STK3: variants seen among roughly 807,000 people sequenced by gnomAD.
STK3 encodes the protein serine/threonine kinase 3, also known as serine/threonine-protein kinase 3.
STK3 carries 41 observed loss-of-function variants against 58.0 expected under a neutral mutation model. The ratio of observed to expected loss-of-function variants is 0.71; its 90% CI spans 0.55 to 0.92. The LOEUF is 0.92. STK3 is among the 40% of genes least tolerant of loss of function. The probability of loss-of-function intolerance (pLI) is 0.00; values close to 1 mark genes in which losing one functional copy is unlikely to be tolerated. For missense variants in STK3, 479 were observed against 602.7 expected, an observed-to-expected ratio of 0.79 and a Z score of 2.15; for synonymous variants, 170 against 191.0, an observed-to-expected ratio of 0.89 and a Z score of 0.91.
chr8:98,532,577 G>T (rs1383219613), intron 9 of STK3, among the ~76,000 whole-genome samples: 1 of 152,126 alleles, frequency 6.6e-6, no homozygotes, highest in Non-Finnish European at 1.5e-5. Context: ...AGTGCCAATA[G>T]ACTTGCTTGA....
chr8:98,469,608 G>A (rs1338609581), intron 10 of STK3, among the ~76,000 whole-genome samples: 1 of 152,152 alleles, frequency 6.6e-6, no homozygotes, highest in Non-Finnish European at 1.5e-5. Context: ...GGGAGACTGT[G>A]GTCATGAGTG....
chr8:98,599,664 G>T (rs1816163746), intron 6 of STK3, among the ~76,000 whole-genome samples: 1 of 152,130 alleles, frequency 6.6e-6, no homozygotes, highest in Non-Finnish European at 1.5e-5. Flanking sequence ...AGGCCTTTTA[G>T]ATGTTAATAT....
chr8:98,512,956 C>T (rs910367186), intron 10 of STK3, among the ~76,000 whole-genome samples: 32 of 152,108 alleles, frequency 2.1e-4, no homozygotes, highest in African/African-American at 7.2e-4. Context: ...GTGCCTACCG[C>T]TTGGCATGCA....
chr8:98,752,002 T>C (rs1459631405), intron 3 of STK3, among the ~76,000 whole-genome samples: 1 of 151,890 alleles, frequency 6.6e-6, no homozygotes, highest in Non-Finnish European at 1.5e-5. Context: ...ACACACATCA[T>C]TAAAATGGCC....
intron 10 of STK3, among the ~76,000 whole-genome samples, chr8:98,497,724 C>T (rs1823248395): frequency 6.6e-6 from 1 of 152,070 alleles, no homozygotes; most frequent in Non-Finnish European, 1.5e-5. Flanking sequence ...TAGGTAAATG[C>T]AAATCAAAAC....
At chr8:98,895,781 T>C (rs1218916299) in intron 1 of STK3, among the ~76,000 whole-genome samples, 1 of 152,162 alleles carries the variant, frequency 6.6e-6, no homozygotes, top group African/African-American at 2.4e-5. Flanking sequence ...ATCTTTCAGG[T>C]ATGTGAAATG....
intron 6 of STK3, among the ~76,000 whole-genome samples, chr8:98,655,346 A>G (rs1193219752): frequency 6.6e-6 from 1 of 152,242 alleles, no homozygotes; most frequent in Non-Finnish European, 1.5e-5. Context: ...AAGATGGATT[A>G]AAGACTTACA....
Position 98,850,460 on chromosome 8 carries a change from G to A in STK3, c.110+33187C>T, listed in dbSNP as rs576053591. 5.9e-5 allele frequency among the ~76,000 whole-genome samples: 9 copies of A among 152,282 alleles called. No individual in the cohort carries two copies. In the South Asian group the frequency reaches 1.9e-3, roughly 32 times the overall value. On this transcript the variant is annotated intron_variant, in intron 3 of 12. Transcript: ENST00000523601. ...AAGAAGCAGAAAATTACAATAAGAT[G>A]ATATGATTAAGGTAAGCTCATGGGG...
At chr8:98,891,025 A>C (rs921465267) in intron 1 of STK3, among the ~76,000 whole-genome samples, 1 of 152,244 alleles carries the variant, frequency 6.6e-6, no homozygotes, top group Non-Finnish European at 1.5e-5. Context: ...TACTCAGTTA[A>C]CAGGGACTGC....
chr8:98,891,294 A>G (rs1259899211), intron 1 of STK3, among the ~76,000 whole-genome samples: 1 of 152,246 alleles, frequency 6.6e-6, no homozygotes, highest in Non-Finnish European at 1.5e-5. Context: ...TTTAAAAAGC[A>G]TTTAAGGCAG....
chr8:98,809,160 CT>C (rs1349197288), intron 1 of STK3, among the ~76,000 whole-genome samples: 1 of 152,190 alleles, frequency 6.6e-6, no homozygotes, highest in African/African-American at 2.4e-5. Context: ...TCTGTATATC[CT>C]TTATAATAAA....
At chr8:98,907,288 C>T (rs1222621581) in intron 1 of STK3, among the ~76,000 whole-genome samples, 1 of 151,986 alleles carries the variant, frequency 6.6e-6, no homozygotes, top group Non-Finnish European at 1.5e-5. Context: ...CTGAGGCTGG[C>T]GGGTCACAAG....
chr8:98,699,942 T>C (rs1446971185), intron 6 of STK3, among the ~76,000 whole-genome samples: 1 of 152,208 alleles, frequency 6.6e-6, no homozygotes, highest in African/African-American at 2.4e-5. Flanking sequence ...GCTGTCTTTT[T>C]GTTTGTCTGT....
chr8:98,369,068 T>C (rs1257608753), downstream of STK3, among the ~76,000 whole-genome samples: 1 of 152,216 alleles, frequency 6.6e-6, no homozygotes, highest in Non-Finnish European at 1.5e-5. Context: ...TTGCCAAATA[T>C]CCTCTTAATC....
chr8:98,423,510 T>C (rs1001517281), intron 3 of STK3, among the ~76,000 whole-genome samples: 1 of 152,190 alleles, frequency 6.6e-6, no homozygotes, highest in African/African-American at 2.4e-5. Flanking sequence ...TGGTTTTCAT[T>C]CTCAGTGCAA....
intron 2 of STK3, among the ~76,000 whole-genome samples, chr8:98,377,139 A>C (rs1817684079): frequency 6.6e-6 from 1 of 152,156 alleles, no homozygotes; most frequent in Non-Finnish European, 1.5e-5. Context: ...TAGCCATGTT[A>C]ATGAACACAG....
chr8:98,482,791 G>A (rs1439903929), intron 10 of STK3, among the ~76,000 whole-genome samples: 1 of 152,012 alleles, frequency 6.6e-6, no homozygotes. Context: ...TTATTTGTGA[G>A]GTGCCGTATT....
intron 6 of STK3, among the ~76,000 whole-genome samples, chr8:98,702,834 G>A (rs184796264): frequency 2.3e-4 from 35 of 152,262 alleles, no homozygotes; most frequent in African/African-American, 7.9e-4. Context: ...ATGGAGGCTG[G>A]GGAAACTCAC....
At chr8:98,349,357 T>A in the STK3 span, among the ~76,000 whole-genome samples, 1 of 152,222 alleles carries the variant, frequency 6.6e-6, no homozygotes, top group Non-Finnish European at 1.5e-5. Context: ...GCTCCCATGG[T>A]CTTCGGCAGC....
Sources: allele counts gnomAD v4.1 joint callset (sites outside exome capture counted in the v4.1 genomes callset), GRCh38; gene constraint gnomAD v4.1.1; transcripts MANE v1.5; gene names NCBI Gene and HGNC (gene_info 2026-07-23, HGNC 2026-07-21).